The following IKZF2 variants were observed in gnomAD, a reference collection of about 807,000 sequenced individuals.
IKZF2 encodes IKAROS family zinc finger 2.
In IKZF2, 15 loss-of-function variants were observed where a neutral mutation model predicts 49.2. The ratio of observed to expected loss-of-function variants is 0.30; its 90% CI spans 0.20 to 0.47. The LOEUF (loss-of-function observed/expected upper bound fraction) is 0.47. Ranked by LOEUF, IKZF2 falls within the 20% of genes least tolerant of loss-of-function variation. The probability of loss-of-function intolerance (pLI) is 1.00; values close to 1 mark genes in which losing one functional copy is unlikely to be tolerated. For synonymous variants in IKZF2, 227 were observed against 221.4 expected (o/e 1.03, Z -0.23); for missense variants, 567 against 664.6 (o/e 0.85, Z 1.61).
intron 5 of IKZF2, among the ~76,000 whole-genome samples, chr2:213,051,227 A>C (rs1401305457): frequency 6.6e-6 from 1 of 152,042 alleles, no homozygotes; most frequent in Non-Finnish European, 1.5e-5. Flanking sequence ...GCAGCTATTG[A>C]AAATTCTATC....
chr2:213,148,412 A>G (rs1193587049), intron 3 of IKZF2, among the ~76,000 whole-genome samples, 184 bp downstream of exon 3: 2 of 152,208 alleles, frequency 1.3e-5, no homozygotes, highest in African/African-American at 2.4e-5. Context: ...GTATGTTTCT[A>G]TATTTCCTTC....
chr2:213,039,643 G>A (rs1699418430), intron 6 of IKZF2, among the ~76,000 whole-genome samples: 1 of 152,032 alleles, frequency 6.6e-6, no homozygotes, highest in African/African-American at 2.4e-5. Context: ...CTTTGACATT[G>A]TAAGGTTCCT....
At chr2:213,092,587 C>T (rs1705481527) in intron 4 of IKZF2, among the ~76,000 whole-genome samples, 1 of 152,090 alleles carries the variant, frequency 6.6e-6, no homozygotes, top group African/African-American at 2.4e-5. Flanking sequence ...CTGTTCGAGC[C>T]ACAGTGATGA....
chr2:213,024,028 T>C (rs780877452), intron 6 of IKZF2, among the ~76,000 whole-genome samples: 1 of 152,178 alleles, frequency 6.6e-6, no homozygotes, highest in Admixed American at 6.5e-5. Context: ...GTAGTTTTTA[T>C]GTTTTCTACT....
chr2:213,141,391 C>T (rs1178986271), intron 4 of IKZF2, among the ~76,000 whole-genome samples: 1 of 151,894 alleles, frequency 6.6e-6, no homozygotes, highest in East Asian at 1.9e-4. Context: ...CCATTGACTT[C>T]CATGAAAATA....
intron 6 of IKZF2, among the ~76,000 whole-genome samples, chr2:213,041,876 G>A (rs1699699114): frequency 6.6e-6 from 1 of 151,972 alleles, no homozygotes; most frequent in South Asian, 2.1e-4. Flanking sequence ...ATAAACTAGG[G>A]CAAAATACTA....
intron 4 of IKZF2, among the ~76,000 whole-genome samples, chr2:213,111,163 T>C (rs2059691937): frequency 6.6e-6 from 1 of 152,184 alleles, no homozygotes; most frequent in African/African-American, 2.4e-5. Flanking sequence ...TTTTAGATAT[T>C]GAATTTTATT....
At chr2:213,106,714 A>T (rs538758235) in intron 4 of IKZF2, among the ~76,000 whole-genome samples, 4 of 152,100 alleles carry the variant, frequency 2.6e-5, no homozygotes, top group African/African-American at 9.6e-5. Flanking sequence ...TCCATTTCTG[A>T]GACTAAATAT....
chr2:213,122,560 T>C (rs796178828), intron 4 of IKZF2, among the ~76,000 whole-genome samples: 11 of 152,370 alleles, frequency 7.2e-5, no homozygotes, highest in African/African-American at 2.6e-4. Flanking sequence ...TAAGGATTAT[T>C]CTTTCCTAAG....
chr2:213,068,938 C>G (rs553005178), intron 4 of IKZF2, among the ~76,000 whole-genome samples: 4 of 151,956 alleles, frequency 2.6e-5, no homozygotes, highest in Admixed American at 2.0e-4. Flanking sequence ...CACACACACA[C>G]ACACACACAA....
intron 4 of IKZF2, among the ~76,000 whole-genome samples, chr2:213,105,045 A>G (rs1187052895): frequency 6.6e-6 from 1 of 152,072 alleles, no homozygotes; most frequent in Non-Finnish European, 1.5e-5. Flanking sequence ...CCATGCTCCT[A>G]TCCCAGAATT....
chr2:213,012,119 T>C (rs1262674583), intron 8 of IKZF2, among the ~76,000 whole-genome samples: 1 of 152,042 alleles, frequency 6.6e-6, no homozygotes, highest in Non-Finnish European at 1.5e-5. Flanking sequence ...ATGATGAAAT[T>C]TTTTGTTTCA....
intron 4 of IKZF2, among the ~76,000 whole-genome samples, chr2:213,098,643 T>C (rs1331962094): frequency 2.0e-5 from 3 of 152,180 alleles, no homozygotes; most frequent in Admixed American, 1.3e-4. Context: ...TAATCTTTTC[T>C]ATACAAAAAT....
intron 6 of IKZF2, among the ~76,000 whole-genome samples, chr2:213,022,876 G>C (rs926478186): frequency 6.6e-5 from 10 of 151,820 alleles, no homozygotes; most frequent in Non-Finnish European, 1.2e-4. Flanking sequence ...TAATAGCTAG[G>C]GAGCCATTAT....
At position 213,121,162 on chromosome 2, in the gene IKZF2, T is replaced by C. The variant is rs2060044919; in HGVS notation, c.139+26546A>G. The stretch of plus-strand genomic sequence containing the variant: ...AAGTACTAAATAGATACTTGCTGAC[T>C]GATCAAGATGCATAATAGTTATCCT... On this transcript the variant is annotated intron_variant, in intron 4 of 8. Transcript: ENST00000434687. Among the ~76,000 whole-genome samples, 3 of 152,244 alleles carry C rather than the reference T, an allele frequency of 2.0e-5. No individual in the cohort carries two copies. In the South Asian group the frequency reaches 6.2e-4, roughly 31 times the overall value.
At chr2:213,147,367 C>A in intron 4 of IKZF2, 1 of 523,692 alleles carries the variant, frequency 1.9e-6, no homozygotes, top group Admixed American at 3.4e-5. Flanking sequence ...GTGAAGAGTC[C>A]TTTGGAAGTG....
chr2:213,069,540 C>A (rs569083609), intron 4 of IKZF2, among the ~76,000 whole-genome samples: 2 of 152,126 alleles, frequency 1.3e-5, no homozygotes, highest in Non-Finnish European at 2.9e-5. Context: ...AAGCACCTGA[C>A]AGCAATTACC....
intron 4 of IKZF2, among the ~76,000 whole-genome samples, chr2:213,065,503 G>A (rs2125445230): frequency 6.6e-6 from 1 of 152,084 alleles, no homozygotes; most frequent in Admixed American, 6.6e-5. Context: ...AAATACACAT[G>A]ATGAATAAAT....
chr2:213,043,952 C>T (rs1699904169), intron 6 of IKZF2, among the ~76,000 whole-genome samples: 2 of 152,230 alleles, frequency 1.3e-5, no homozygotes, highest in Admixed American at 1.3e-4. Flanking sequence ...GGCACATTCT[C>T]TGTTTGGCTG....
Sources: gnomAD v4.1 joint callset for allele counts (sites outside exome capture counted in the v4.1 genomes callset) on GRCh38, gnomAD v4.1.1 for gene constraint, MANE v1.5 for transcripts, NCBI Gene and HGNC (gene_info 2026-07-23, HGNC 2026-07-21) for gene names.